The following ADGRE3 variants were observed in gnomAD, a reference collection of about 807,000 sequenced individuals.
The protein encoded by ADGRE3 is EGF-like module receptor 3.
Under a neutral mutation model 80.1 loss-of-function variants are expected in ADGRE3, and 88 were observed. That is an observed-to-expected ratio of 1.10 (90% CI 0.93 to 1.31). The LOEUF is 1.31. Among genes scored for constraint, ADGRE3 ranks in the 40% most tolerant of loss-of-function variants. The pLI is 0.00. For synonymous variants in ADGRE3, 281 were observed against 294.8 expected, an observed-to-expected ratio of 0.95 and a Z score of 0.48; for missense variants, 715 against 776.5, an observed-to-expected ratio of 0.92 and a Z score of 0.94.
chr19:14,633,173 A>G, intron 12 of ADGRE3, 63 bp downstream of exon 12: 2 of 1,473,830 alleles, frequency 1.4e-6, no homozygotes, highest in Non-Finnish European at 1.9e-6. Flanking sequence ...CCCTTGTACC[A>G]TCTTGTACCC....
At chr19:14,633,160 A>G in intron 12 of ADGRE3, 76 bp downstream of exon 12, 1 of 1,398,758 alleles carries the variant, frequency 7.1e-7, no homozygotes, top group South Asian at 1.2e-5. Context: ...TGGAAATGCA[A>G]GCCCCTTGTA....
the ADGRE3 span, among the ~76,000 whole-genome samples, chr19:14,612,364 C>G: frequency 1.3e-5 from 2 of 152,098 alleles, no homozygotes; most frequent in African/African-American, 4.8e-5. Flanking sequence ...GAGACAGGGT[C>G]TCGCTCTGTC....
In ADGRE3 at chr19:14,659,043, CT is replaced by C. The variant is rs35454655; in HGVS notation, c.356-494del. On this transcript the variant is annotated intron_variant, in intron 4 of 15. Coordinates refer to ENST00000253673, the MANE Select transcript of ADGRE3 (RefSeq NM_032571.5). ...CCATCGCACCTGGCTTTTTTTTTCC[CT>C]TTTTTTTTTTAGATAGGGTCTCATT... is the stretch of plus-strand genomic sequence containing the variant. Among the ~76,000 whole-genome samples, 438 of 142,590 alleles carry C rather than the reference CT, an allele frequency of 3.1e-3. 2 individuals carry two copies. Among genetic ancestry groups the C allele is most frequent in the African/African-American group, 5.8e-3 (222 of 38,384 alleles). The allele number at this position is 142,590 out of a possible 152,430, so 93.5% of individuals were successfully genotyped here.
the ADGRE3 span, among the ~76,000 whole-genome samples, chr19:14,613,317 G>A: frequency 6.6e-6 from 1 of 152,068 alleles, no homozygotes; most frequent in African/African-American, 2.4e-5. Context: ...AAACACCTGA[G>A]CTCAAGAAAT....
chr19:14,616,194 C>T (rs917028057), downstream of ADGRE3, among the ~76,000 whole-genome samples: 4 of 152,012 alleles, frequency 2.6e-5, no homozygotes, highest in Admixed American at 1.3e-4. Flanking sequence ...GTGATCTCCA[C>T]GTGAACTCCT....
chr19:14,606,969 G>A, the ADGRE3 span: 1 of 1,218,148 alleles, frequency 8.2e-7, no homozygotes, highest in Admixed American at 3.7e-5. Context: ...GGAATGGCTG[G>A]CTGAATGGAA....
intron 12 of ADGRE3, 109 bp from the exon 13 acceptor site, chr19:14,633,121 A>G (rs995212597): frequency 2.4e-6 from 3 of 1,255,422 alleles, no homozygotes; most frequent in Non-Finnish European, 3.4e-6. Context: ...CTGAATTGGT[A>G]GCAGGTGGAA....
At chr19:14,662,658 T>A (rs1452874244) in intron 3 of ADGRE3, among the ~76,000 whole-genome samples, 2 of 152,040 alleles carry the variant, frequency 1.3e-5, no homozygotes, top group East Asian at 3.9e-4. Flanking sequence ...AGAACTGGGA[T>A]TACAGGCGCG....
intron 8 of ADGRE3, among the ~76,000 whole-genome samples, chr19:14,645,318 T>C (rs1168038563): frequency 6.6e-6 from 1 of 152,090 alleles, no homozygotes; most frequent in Non-Finnish European, 1.5e-5. Context: ...GCTTATGCAA[T>C]GAGAGGCATG....
rs1446729576 is a variant in ADGRE3, at chr19:14,674,824, C to T, written c.-54G>A. ...CAGCCCTGGAAGCTCTCTACTGTGC[C>T]GTAAGCCAACCACCTTTCCTAGCTC... On this transcript the variant is annotated 5_prime_UTR_variant, in exon 1 of 16. Coordinates refer to ENST00000253673, the MANE Select transcript of ADGRE3 (RefSeq NM_032571.5). 12 of 1,585,888 alleles carry T rather than the reference C, an allele frequency of 7.6e-6. No individual in the cohort carries two copies. Among genetic ancestry groups the T allele is most frequent in the Admixed American group, 3.6e-5 (2 of 56,258 alleles).
At position 14,661,176 on chromosome 19, in the gene ADGRE3, G is replaced by A. The variant is rs116544949; in HGVS notation, c.355+787C>T. On this transcript the variant is annotated intron_variant, in intron 4 of 15. Coordinates refer to ENST00000253673, the MANE Select transcript of ADGRE3 (RefSeq NM_032571.5). ...ATGCTGGTCTTGAACTCCCGGTCTC[G>A]AGTGATCTACCCGCCTTGGCCTCCC... Among the ~76,000 whole-genome samples, 733 of 152,132 alleles carry A rather than the reference G, an allele frequency of 4.8e-3. 2 individuals are homozygous for A. The highest frequency in any genetic ancestry group is 0.016 in the African/African-American group (655 of 41,506).
the ADGRE3 span, among the ~76,000 whole-genome samples, chr19:14,600,891 CTTTTTT>C: frequency 7.9e-5 from 5 of 63,218 alleles, no homozygotes; most frequent in East Asian, 1.1e-3. Context: ...GCTCGGCCTT[CTTTTTT>C]TTTTTTTTTT....
intron 8 of ADGRE3, among the ~76,000 whole-genome samples, chr19:14,645,290 C>A (rs567759586): frequency 6.6e-6 from 1 of 152,140 alleles, no homozygotes; most frequent in African/African-American, 2.4e-5. Context: ...GTCTCTACTC[C>A]CTTACAACAC....
At chr19:14,620,203 C>G (rs1448632340) in intron 15 of ADGRE3, among the ~76,000 whole-genome samples, 1 of 151,618 alleles carries the variant, frequency 6.6e-6, no homozygotes, top group South Asian at 2.1e-4. Context: ...AAACTCTGTG[C>G]CTAAAAAATA....
chr19:14,615,113 A>G (rs2075067857), downstream of ADGRE3, among the ~76,000 whole-genome samples: 1 of 150,000 alleles, frequency 6.7e-6, no homozygotes, highest in Non-Finnish European at 1.5e-5. Flanking sequence ...CGGCTTGTCC[A>G]TTGTCATTTA....
At chr19:14,637,301 C>T (rs8111925) in intron 11 of ADGRE3, among the ~76,000 whole-genome samples, 55,547 of 151,520 alleles carry the variant, frequency 0.37, 11,033 homozygotes, top group East Asian at 0.63. Flanking sequence ...CCTCCATGAT[C>T]CCTTTAAAAG....
chr19:14,611,456 C>A, the ADGRE3 span, among the ~76,000 whole-genome samples: 2 of 147,286 alleles, frequency 1.4e-5, no homozygotes, highest in South Asian at 4.3e-4. Flanking sequence ...TAGCTTACTG[C>A]ACCCTCTGCC....
At chr19:14,626,528 A>G (rs1266739316) in intron 14 of ADGRE3, among the ~76,000 whole-genome samples, 1 of 152,220 alleles carries the variant, frequency 6.6e-6, no homozygotes, top group Non-Finnish European at 1.5e-5. Flanking sequence ...ATAATTCCTC[A>G]ATCTAGTGAA....
intron 2 of ADGRE3, among the ~76,000 whole-genome samples, chr19:14,665,665 A>G (rs557588572): frequency 7.9e-5 from 12 of 151,268 alleles, no homozygotes; most frequent in Non-Finnish European, 1.2e-4. Context: ...AATTAAAAAA[A>G]TTTTTTTGTA....
Sources: allele counts gnomAD v4.1 joint callset (sites outside exome capture counted in the v4.1 genomes callset), GRCh38; gene constraint gnomAD v4.1.1; transcripts MANE v1.5; gene names NCBI Gene and HGNC (gene_info 2026-07-23, HGNC 2026-07-21).